The following KIF25 variants were observed in gnomAD, a reference collection of about 807,000 sequenced individuals.
KIF25 encodes the protein kinesin-like protein KIF25.
Under a neutral mutation model 32.9 loss-of-function variants are expected in KIF25, and 19 were observed. That is an observed-to-expected ratio of 0.58 (90% CI 0.40 to 0.85). KIF25 has a LOEUF of 0.85. KIF25 is among the 40% of genes least tolerant of loss of function. The pLI, the probability that KIF25 is intolerant of heterozygous loss-of-function variation, is 0.00. For synonymous variants in KIF25, 225 were observed against 213.7 expected (o/e 1.05, Z -0.46); for missense variants, 485 against 507.0 (o/e 0.96, Z 0.42).
At chr6:168,011,956 G>A (rs1479168220) in intron 4 of KIF25, among the ~76,000 whole-genome samples, 2 of 152,014 alleles carry the variant, frequency 1.3e-5, no homozygotes, top group Admixed American at 6.6e-5. Flanking sequence ...GGTCTAGTCT[G>A]TTGTTGAAGC....
chr6:168,028,770 G>C (rs1428521294), intron 5 of KIF25, among the ~76,000 whole-genome samples: 2 of 152,112 alleles, frequency 1.3e-5, no homozygotes, highest in Non-Finnish European at 2.9e-5. Context: ...TGTATTTTCA[G>C]GAGCCTTTTT....
At position 168,030,820 on chromosome 6, in the gene KIF25, G is replaced by A. The variant is rs1554251035; in HGVS notation, c.140G>A (p.Cys47Tyr). ...CAGAGCGCGGTCTTTGGAGATGTGT[G>A]CCCCCTACTCACTTCTCTCTTGGAT... Reference protein sequence around the residue: ...ESQSAVFGDVCPLLTSLLDGY... With the variant: ...ESQSAVFGDVYPLLTSLLDGY... The change falls in exon 7 of 13, where the codon TGC becomes TAC. Residue 47 changes from cysteine (C) to tyrosine (Y), a missense_variant. Physicochemically the swap from Cys to Tyr is radical, Grantham distance 194. Transcript: ENST00000643607. 1.9e-6 allele frequency: 3 copies of A among 1,613,174 alleles called. No homozygotes were observed. Among genetic ancestry groups the A allele is most frequent in the South Asian group, 2.2e-5 (2 of 90,924 alleles).
intron 5 of KIF25, among the ~76,000 whole-genome samples, chr6:168,028,492 A>G (rs919944095): frequency 6.6e-6 from 1 of 152,224 alleles, no homozygotes; most frequent in Non-Finnish European, 1.5e-5. Flanking sequence ...TGTCATAGAT[A>G]GAGTCTCAGA....
intron 8 of KIF25, chr6:168,035,817 G>A: frequency 4.4e-6 from 2 of 455,840 alleles, no homozygotes; most frequent in Non-Finnish European, 4.4e-6. Context: ...AGTGGCCCCG[G>A]GCAAGGCCGT....
intron 8 of KIF25, among the ~76,000 whole-genome samples, chr6:168,037,631 G>A (rs1439855357): frequency 3.4e-5 from 5 of 147,708 alleles, no homozygotes; most frequent in Admixed American, 6.7e-5. Context: ...CTTGTTGTGG[G>A]ATTAAGGTTT....
At chr6:168,018,068 A>G (rs1798740023) in intron 5 of KIF25, 28 bp downstream of exon 5, 1 of 152,622 alleles carries the variant, frequency 6.6e-6, no homozygotes, top group African/African-American at 2.4e-5. Context: ...TGTCCTATAA[A>G]GCAAACTTCC....
chr6:168,039,703 G>T (rs1269840350), intron 9 of KIF25, among the ~76,000 whole-genome samples: 1 of 152,220 alleles, frequency 6.6e-6, no homozygotes, highest in Non-Finnish European at 1.5e-5. Context: ...CTAACACGGA[G>T]AAATGGGTTA....
intron 5 of KIF25, among the ~76,000 whole-genome samples, chr6:168,028,830 A>G (rs1003136371): frequency 3.9e-5 from 6 of 152,240 alleles, no homozygotes; most frequent in Non-Finnish European, 8.8e-5. Context: ...GTTTATTTCC[A>G]GGCATATTTT....
intron 4 of KIF25, among the ~76,000 whole-genome samples, chr6:168,004,643 G>A (rs750341168): frequency 6.6e-6 from 1 of 152,182 alleles, no homozygotes; most frequent in Non-Finnish European, 1.5e-5. Flanking sequence ...GGCCCTCAGA[G>A]GATGCTGGTC....
chr6:168,026,857 C>A (rs183749971), intron 5 of KIF25, among the ~76,000 whole-genome samples: 1 of 152,196 alleles, frequency 6.6e-6, no homozygotes, highest in African/African-American at 2.4e-5. Context: ...TCTTGTAGAA[C>A]AGGAATTTAC....
chr6:168,000,447 C>A (rs9689581), intron 2 of KIF25, among the ~76,000 whole-genome samples: 2 of 92,030 alleles, frequency 2.2e-5, no homozygotes, highest in East Asian at 9.5e-4. Context: ...ACCCTCCCCA[C>A]TCCCATCCTG....
At chr6:168,030,685 G>A (rs1485487382) in intron 6 of KIF25, 88 bp from the exon 7 acceptor site, 1 of 877,508 alleles carries the variant, frequency 1.1e-6, no homozygotes, top group African/African-American at 1.7e-5. Flanking sequence ...AAGTACACGG[G>A]GCGTTGTGTT....
chr6:168,042,711 G>T lies in KIF25; in HGVS notation c.980G>T (p.Cys327Phe). 6.2e-7 allele frequency: 1 copy of T among 1,609,710 alleles called. No homozygotes were observed. ...AGGCTCACCCACCTCCTTCAGGACT[G>T]CCTCGGTAACCGTTTTCCCCAAAAT... ...NSRLTHLLQD[C>F]LGGDAKLLVI... The change falls in exon 12 of 13, where the codon TGC becomes TTC. Residue 327 changes from cysteine to phenylalanine, a missense_variant. Cys to Phe is a radical substitution (Grantham distance 205). Around this residue, in one of 2 missense-constraint regions of KIF25, gnomAD observed 480 missense variants for 470.3 expected, o/e 1.02. Transcript: ENST00000643607.
intron 8 of KIF25, among the ~76,000 whole-genome samples, chr6:168,035,441 A>AACGGCGCTGCGGGGGGGGGGGGCG (rs1562390528): frequency 3.2e-4 from 4 of 12,512 alleles, no homozygotes; most frequent in Non-Finnish European, 5.6e-4. Context: ...GGCGCGGCGG[A>AACGGCGCTGCGGGGGGGGGGGGCG]GGAGGCGGGA....
intron 4 of KIF25, among the ~76,000 whole-genome samples, chr6:168,014,231 GT>G (rs1164862166): frequency 1.3e-5 from 2 of 152,118 alleles, no homozygotes; most frequent in East Asian, 3.9e-4. Flanking sequence ...GAGTTTTTCA[GT>G]GAGGAAATGC....
intron 5 of KIF25, among the ~76,000 whole-genome samples, chr6:168,018,333 A>G (rs892323063): frequency 1.3e-5 from 2 of 152,194 alleles, no homozygotes; most frequent in African/African-American, 4.8e-5. Context: ...CAAGCTTTCC[A>G]TTTGGTGATT....
At chr6:168,036,894 T>C (rs967717027) in intron 8 of KIF25, among the ~76,000 whole-genome samples, 4 of 152,126 alleles carry the variant, frequency 2.6e-5, no homozygotes, top group African/African-American at 7.2e-5. Context: ...AAACCCCATC[T>C]CTACTAAAAA....
chr6:168,040,297 G>A (rs1195792245), intron 10 of KIF25, 81 bp downstream of exon 10: 17 of 1,393,998 alleles, frequency 1.2e-5, no homozygotes, highest in Non-Finnish European at 1.6e-5. Flanking sequence ...CAGGCACAGT[G>A]GCTCACGCCT....
chr6:168,036,660 C>T (rs898081312), intron 8 of KIF25, among the ~76,000 whole-genome samples: 5 of 152,204 alleles, frequency 3.3e-5, no homozygotes, highest in African/African-American at 9.7e-5. Context: ...GGTTTTGTGA[C>T]ACTCAAAGAG....
Sources: allele counts gnomAD v4.1 joint callset (sites outside exome capture counted in the v4.1 genomes callset), GRCh38; gene constraint gnomAD v4.1.1; regional missense constraint gnomAD v4.1.1; transcripts MANE v1.5; gene names NCBI Gene and HGNC (gene_info 2026-07-23, HGNC 2026-07-21).